TLK1: variants seen among roughly 807,000 people sequenced by gnomAD.
TLK1 encodes the protein tousled like kinase 1, also known as serine/threonine-protein kinase tousled-like 1.
In TLK1, 24 loss-of-function variants were observed where a neutral mutation model predicts 105.3. That is an observed-to-expected ratio of 0.23 (90% confidence interval 0.17 to 0.32). The LOEUF is 0.32. Ranked by LOEUF, TLK1 falls within the 10% of genes least tolerant of loss-of-function variation. TLK1 has a pLI of 1.00. For missense variants in TLK1, 558 were observed against 910.5 expected, an observed-to-expected ratio of 0.61 and a Z score of 4.98; for synonymous variants, 321 against 310.4, an observed-to-expected ratio of 1.03 and a Z score of -0.36.
chr2:171,040,150 G>A (rs1686592122), intron 11 of TLK1, among the ~76,000 whole-genome samples: 1 of 152,092 alleles, frequency 6.6e-6, no homozygotes, highest in Non-Finnish European at 1.5e-5. Context: ...GAAAAAGGGG[G>A]AGACTAGGTA....
intron 1 of TLK1, among the ~76,000 whole-genome samples, chr2:171,126,692 T>C (rs1046152356): frequency 6.6e-6 from 1 of 152,110 alleles, no homozygotes; most frequent in East Asian, 1.9e-4. Flanking sequence ...TGCTGAGCCA[T>C]GACCTTAGTT....
intron 3 of TLK1, among the ~76,000 whole-genome samples, chr2:171,072,273 C>T (rs765614235): frequency 1.8e-4 from 28 of 152,132 alleles, no homozygotes; most frequent in Admixed American, 9.2e-4. Flanking sequence ...CAATTTCTTG[C>T]ATCAATGTTT....
chr2:171,174,977 T>G (rs1481551346), intron 1 of TLK1, among the ~76,000 whole-genome samples: 3 of 152,280 alleles, frequency 2.0e-5, no homozygotes, highest in South Asian at 2.1e-4. Context: ...GTGAAGTAGC[T>G]CATGCCTATA....
At chr2:171,215,213 T>G (rs1426859954) in intron 1 of TLK1, among the ~76,000 whole-genome samples, 2 of 152,218 alleles carry the variant, frequency 1.3e-5, no homozygotes, top group Non-Finnish European at 2.9e-5. Flanking sequence ...AATGCTGGGA[T>G]TACAGGCGTG....
At chr2:171,096,378 T>C (rs1282944574) in intron 2 of TLK1, among the ~76,000 whole-genome samples, 1 of 151,962 alleles carries the variant, frequency 6.6e-6, no homozygotes, top group African/African-American at 2.4e-5. Context: ...ACACAAAAAA[T>C]CAGTTGCATT....
intron 2 of TLK1, among the ~76,000 whole-genome samples, chr2:171,102,902 C>A (rs987357773): frequency 6.6e-6 from 1 of 151,796 alleles, no homozygotes; most frequent in Non-Finnish European, 1.5e-5. Flanking sequence ...TAAACAAACA[C>A]ATAAATTTTA....
chr2:171,132,298 G>A (rs1441559474), intron 1 of TLK1, among the ~76,000 whole-genome samples: 1 of 152,068 alleles, frequency 6.6e-6, no homozygotes, highest in African/African-American at 2.4e-5. Context: ...ATGTGGGAAA[G>A]CGCCCCCATG....
intron 1 of TLK1, among the ~76,000 whole-genome samples, chr2:171,145,027 A>G (rs1691734135): frequency 6.6e-6 from 1 of 152,152 alleles, no homozygotes; most frequent in South Asian, 2.1e-4. Context: ...ACCATCTTAC[A>G]GCCAGGCACG....
At chr2:171,147,905 T>A (rs1026441997) in intron 1 of TLK1, among the ~76,000 whole-genome samples, 1 of 152,056 alleles carries the variant, frequency 6.6e-6, no homozygotes, top group African/African-American at 2.4e-5. Context: ...CCTTTTTTTT[T>A]TTTGAGACAG....
In TLK1 at chr2:171,096,133, G is replaced by A. The variant is rs905741869; in HGVS notation, c.259-13281C>T. On this transcript the variant is annotated intron_variant, in intron 2 of 20. Transcript: ENST00000431350. ...AATTGTATATATGGATAACCCTGAAGATTCCACCAAGAAACTATTGGAGTC... is the reference window on the plus strand; with the variant it reads ...AATTGTATATATGGATAACCCTGAAAATTCCACCAAGAAACTATTGGAGTC... 5.3e-5 allele frequency among the ~76,000 whole-genome samples: 8 copies of A among 152,256 alleles called. No individual in the cohort carries two copies. In the South Asian group the frequency reaches 1.5e-3, roughly 28 times the overall value.
At chr2:171,194,629 A>G (rs1693225632) in intron 1 of TLK1, among the ~76,000 whole-genome samples, 1 of 152,002 alleles carries the variant, frequency 6.6e-6, no homozygotes, top group Admixed American at 6.5e-5. Flanking sequence ...CATCCTGGCT[A>G]ACACGGTGAA....
rs376159041 is a variant in TLK1, at chr2:171,056,631, T to C, written c.454-65A>G. 9.8e-5 allele frequency: 130 copies of C among 1,324,462 alleles called. 2 individuals are homozygous for C. The highest frequency in any genetic ancestry group is 9.2e-4 in the African/African-American group (63 of 68,628). 82.0% of individuals were successfully genotyped at this position (1,324,462 alleles called of 1,614,324 possible). ...CAGGCTCAGACAGTTATTTCAGATATGACATTAAGAATTAATCTAAATATA... is the reference window on the plus strand; with the variant it reads ...CAGGCTCAGACAGTTATTTCAGATACGACATTAAGAATTAATCTAAATATA... On this transcript the variant is annotated intron_variant, in intron 5 of 20. Coordinates refer to ENST00000431350, the MANE Select transcript of TLK1 (RefSeq NM_012290.5).
chr2:171,034,913 A>G (rs1009710082), intron 11 of TLK1, among the ~76,000 whole-genome samples: 7 of 152,072 alleles, frequency 4.6e-5, no homozygotes, highest in African/African-American at 1.4e-4. Context: ...CTGTGTCCCC[A>G]CCCAAATCTC....
chr2:171,079,694 A>G (rs1245049949), intron 3 of TLK1, among the ~76,000 whole-genome samples: 1 of 152,248 alleles, frequency 6.6e-6, no homozygotes, highest in Non-Finnish European at 1.5e-5. Context: ...AGATTCATAT[A>G]TAAAATAAAC....
intron 12 of TLK1, among the ~76,000 whole-genome samples, chr2:171,021,378 C>G (rs770090058): frequency 1.3e-5 from 2 of 151,476 alleles, no homozygotes; most frequent in Non-Finnish European, 2.9e-5. Flanking sequence ...GCAATGCCTT[C>G]GTGTAGTGTA....
chr2:171,027,576 A>C (rs1186545181), intron 12 of TLK1, among the ~76,000 whole-genome samples: 1 of 152,232 alleles, frequency 6.6e-6, no homozygotes, highest in African/African-American at 2.4e-5. Context: ...ACATCTTCTA[A>C]TCGAAACATC....
chr2:171,044,335 A>T (rs1003930468), intron 11 of TLK1, among the ~76,000 whole-genome samples: 3 of 152,208 alleles, frequency 2.0e-5, no homozygotes, highest in Non-Finnish European at 4.4e-5. Flanking sequence ...CTTACATGTG[A>T]GAGGATGGTA....
chr2:171,142,809 A>C (rs1691635985), intron 1 of TLK1, among the ~76,000 whole-genome samples: 1 of 152,232 alleles, frequency 6.6e-6, no homozygotes, highest in South Asian at 2.1e-4. Flanking sequence ...GTTGTTGTAC[A>C]CAAGGAATGT....
chr2:171,058,971 T>A (rs1299548779), intron 4 of TLK1, among the ~76,000 whole-genome samples: 2 of 152,202 alleles, frequency 1.3e-5, no homozygotes, highest in Non-Finnish European at 2.9e-5. Flanking sequence ...TTTATTTTAT[T>A]TAACAAATAT....
Sources: allele counts gnomAD v4.1 joint callset (sites outside exome capture counted in the v4.1 genomes callset), GRCh38; gene constraint gnomAD v4.1.1; transcripts MANE v1.5; gene names NCBI Gene and HGNC (gene_info 2026-07-23, HGNC 2026-07-21).